The following TMEM74 variants were observed in gnomAD, a reference collection of about 807,000 sequenced individuals.
TMEM74 encodes transmembrane protein 74.
TMEM74 carries 13 observed loss-of-function variants against 18.1 expected under a neutral mutation model. That is an observed-to-expected ratio of 0.72 (90% CI 0.47 to 1.14). The LOEUF (loss-of-function observed/expected upper bound fraction) is 1.14, where lower values mean the gene tolerates loss of function less well. Among genes scored for constraint, TMEM74 ranks in the 50% most tolerant of loss-of-function variants. The pLI is 0.00. For missense variants in TMEM74, 372 were observed against 375.9 expected, an observed-to-expected ratio of 0.99 and a Z score of 0.09; for synonymous variants, 159 against 146.6, an observed-to-expected ratio of 1.08 and a Z score of -0.61.
chr8:108,639,168 G>C (rs1246487584), intron 2 of TMEM74, among the ~76,000 whole-genome samples: 2 of 152,112 alleles, frequency 1.3e-5, no homozygotes, highest in African/African-American at 4.8e-5. Flanking sequence ...AGATTGCAAG[G>C]AATAATAAAT....
chr8:108,655,446 T>TA (rs1016015271), intron 1 of TMEM74: 3 of 150,302 alleles, frequency 2.0e-5, no homozygotes, highest in African/African-American at 4.9e-5. Context: ...CTCTGTAAAA[T>TA]AAAAAAATTA....
intron 1 of TMEM74, among the ~76,000 whole-genome samples, chr8:108,739,518 G>A (rs1224343063): frequency 3.9e-5 from 6 of 152,154 alleles, no homozygotes; most frequent in African/African-American, 1.4e-4. Context: ...TAAGCAAAGA[G>A]GGAAGAGTTG....
intron 1 of TMEM74, among the ~76,000 whole-genome samples, chr8:108,773,097 A>G (rs1300240905): frequency 6.6e-6 from 1 of 152,112 alleles, no homozygotes; most frequent in Admixed American, 6.6e-5. Flanking sequence ...ACTGAAAAGG[A>G]GAGGAAGAGA....
chr8:108,745,560 G>A lies in TMEM74; in HGVS notation n.119+41916C>T, dbSNP rs1026963769. 2.0e-5 allele frequency among the ~76,000 whole-genome samples: 3 copies of A among 152,162 alleles called. No individual in the cohort carries two copies. The South Asian group carries it at 6.2e-4, about 32-fold the overall frequency. On this transcript the variant is annotated intron_variant and non_coding_transcript_variant, in intron 1 of 3. Transcript: ENST00000518838. ...CACGGGTTGTAATTTGCTGACTCTG[G>A]TGTATATTAAAGCACTTAATAAACG...
chr8:108,681,000 T>C (rs1395354866), intron 1 of TMEM74, among the ~76,000 whole-genome samples: 4 of 152,074 alleles, frequency 2.6e-5, no homozygotes, highest in Admixed American at 2.0e-4. Context: ...CAAACCACTG[T>C]TCAATGAAAT....
intron 1 of TMEM74, among the ~76,000 whole-genome samples, chr8:108,773,950 A>AT (rs1028401475): frequency 6.6e-6 from 1 of 152,188 alleles, no homozygotes; most frequent in East Asian, 1.9e-4. Context: ...TAAAAGTTTA[A>AT]TTTTTTAAGC....
chr8:108,666,276 T>C (rs548079451), intron 1 of TMEM74, among the ~76,000 whole-genome samples: 7 of 152,286 alleles, frequency 4.6e-5, no homozygotes, highest in African/African-American at 1.4e-4. Context: ...CTAAGATTAA[T>C]CTAATAGACT....
intron 2 of TMEM74, among the ~76,000 whole-genome samples, chr8:108,609,273 T>G (rs1368706385): frequency 6.6e-6 from 1 of 152,230 alleles, no homozygotes; most frequent in African/African-American, 2.4e-5. Context: ...CTAAAATAAG[T>G]TCTTTCAGGA....
intron 1 of TMEM74, among the ~76,000 whole-genome samples, chr8:108,729,979 C>T (rs1813677763): frequency 6.6e-6 from 1 of 152,148 alleles, no homozygotes; most frequent in African/African-American, 2.4e-5. Context: ...TACTGGACCC[C>T]ACGAATACTT....
Position 108,695,170 on chromosome 8 carries a change from A to G in TMEM74, n.120-39733T>C, listed in dbSNP as rs1326842900. On this transcript the variant is annotated intron_variant and non_coding_transcript_variant, in intron 1 of 3. Transcript: ENST00000518838. ...AGCAACAGTGCTTTGTGCTGCACCA[A>G]TCTTCTCAGTACCAGAAGTAGATAG... Among the ~76,000 whole-genome samples the G allele has an allele frequency of 3.3e-5, 5 of 152,208 alleles. 1 individual carries two copies. The South Asian group carries it at 8.3e-4, about 25-fold the overall frequency.
intron 1 of TMEM74, among the ~76,000 whole-genome samples, chr8:108,743,493 A>T (rs1440518236): frequency 6.6e-6 from 1 of 152,220 alleles, no homozygotes; most frequent in African/African-American, 2.4e-5. Context: ...TCACTTTAAA[A>T]TATATGCAAA....
intron 1 of TMEM74, among the ~76,000 whole-genome samples, chr8:108,668,589 A>T (rs1377097165): frequency 1.3e-5 from 2 of 152,116 alleles, no homozygotes; most frequent in Non-Finnish European, 2.9e-5. Flanking sequence ...AAGGAACCTG[A>T]AGCTGAGCAC....
intron 1 of TMEM74, among the ~76,000 whole-genome samples, chr8:108,700,289 T>A (rs1813322881): frequency 4.6e-5 from 7 of 152,018 alleles, no homozygotes; most frequent in Admixed American, 3.3e-4. Flanking sequence ...TGCAGAGGGG[T>A]TATTCCACAC....
chr8:108,609,040 C>G (rs1812307672), intron 2 of TMEM74, among the ~76,000 whole-genome samples: 1 of 152,106 alleles, frequency 6.6e-6, no homozygotes, highest in Non-Finnish European at 1.5e-5. Flanking sequence ...CCCATATTCA[C>G]TGTAAAAACC....
chr8:108,772,761 A>C (rs1422953294), intron 1 of TMEM74, among the ~76,000 whole-genome samples: 4 of 152,146 alleles, frequency 2.6e-5, no homozygotes, highest in Admixed American at 2.6e-4. Context: ...ACCTCAAGCA[A>C]GTGTATTAAG....
chr8:108,627,247 GA>G (rs1812502836), intron 2 of TMEM74, among the ~76,000 whole-genome samples: 1 of 151,982 alleles, frequency 6.6e-6, no homozygotes, highest in Non-Finnish European at 1.5e-5. Context: ...ATGGTCCCTT[GA>G]ATAAAGCAAG....
At chr8:108,777,312 G>A (rs897739997), downstream of TMEM74, among the ~76,000 whole-genome samples, 8 of 152,104 alleles carry the variant, frequency 5.3e-5, no homozygotes, top group East Asian at 1.9e-4. Context: ...CTTTCTCTCC[G>A]TCCCTGGATC....
chr8:108,762,849 C>T (rs1020362969), intron 1 of TMEM74, among the ~76,000 whole-genome samples: 1 of 151,894 alleles, frequency 6.6e-6, no homozygotes, highest in African/African-American at 2.4e-5. Context: ...GAGGCCAGGC[C>T]GGGCAATGAA....
chr8:108,742,879 T>G lies in TMEM74; in HGVS notation n.119+44597A>C, dbSNP rs546584974. On this transcript the variant is annotated intron_variant and non_coding_transcript_variant, in intron 1 of 3. Coordinates refer to the TMEM74 transcript ENST00000518838. ...GAAGTGGGTTAGAAACCAGAAGGCA[T>G]CATGCAAATATGAGTTACTATTATT... Among the ~76,000 whole-genome samples the G allele has an allele frequency of 3.3e-5, 5 of 152,288 alleles. No homozygotes were observed. In the South Asian group the frequency reaches 1.0e-3, roughly 32 times the overall value.
Sources: allele counts gnomAD v4.1 joint callset (sites outside exome capture counted in the v4.1 genomes callset), GRCh38; gene constraint gnomAD v4.1.1; transcripts MANE v1.5; gene names NCBI Gene and HGNC (gene_info 2026-07-23, HGNC 2026-07-21).